Variants in POR observed in about 807,000 individuals in gnomAD.
POR encodes the protein cytochrome p450 oxidoreductase.
In POR, 56 loss-of-function variants were observed where a neutral mutation model predicts 84.0. The observed-to-expected ratio is 0.67, with a 90% CI of 0.54 to 0.83. The LOEUF (loss-of-function observed/expected upper bound fraction) is 0.83. Among genes scored for constraint, POR ranks in the 40% least tolerant of loss-of-function variants. The pLI is 0.00. For synonymous variants in POR, 414 were observed against 400.5 expected (o/e 1.03, Z -0.40); for missense variants, 938 against 944.3 (o/e 0.99, Z 0.09).
chr7:75,940,437 G>A (rs1277040065), intron 1 of POR, among the ~76,000 whole-genome samples: 1 of 151,824 alleles, frequency 6.6e-6, no homozygotes, highest in East Asian at 1.9e-4. Context: ...CCCAATTTAC[G>A]CAGATTCAAA....
chr7:75,921,824 A>G (rs1806886236), intron 1 of POR, among the ~76,000 whole-genome samples: 1 of 152,038 alleles, frequency 6.6e-6, no homozygotes, highest in South Asian at 2.1e-4. Context: ...CTCCTGCCTC[A>G]GCCTCCCGAG....
intron 1 of POR, chr7:75,922,890 GC>G: frequency 1.6e-6 from 1 of 614,692 alleles, no homozygotes; most frequent in Non-Finnish European, 2.9e-6. Context: ...AAGGAAAAGA[GC>G]TCAGGTTTAA....
rs1232105793 is a variant in POR, at chr7:75,981,064, A to G, written c.533A>G (p.Asn178Ser). The change falls in exon 6 of 16, where the codon AAC becomes AGC. Residue 178 changes from asparagine to serine, a missense_variant. Asn to Ser is a conservative substitution (Grantham distance 46, BLOSUM62 1). Coordinates refer to ENST00000461988, the MANE Select transcript of POR (RefSeq NM_000941.3). ...TCCACGCAGGTGTTTGGTCTTGGGA[A>G]CAAGACCTACGAGCACTTCAATGCC... is the stretch of plus-strand genomic sequence containing the variant. The G allele has an allele frequency of 6.3e-7, 1 of 1,575,836 alleles. No homozygotes were observed.
chr7:75,932,361 T>G (rs1196889320), intron 1 of POR, among the ~76,000 whole-genome samples: 1 of 152,026 alleles, frequency 6.6e-6, no homozygotes, highest in African/African-American at 2.4e-5. Flanking sequence ...TTGTATTGTT[T>G]TATAGAAACA....
chr7:75,959,582 A>C (rs1554554222), intron 2 of POR, among the ~76,000 whole-genome samples: 1 of 152,126 alleles, frequency 6.6e-6, no homozygotes, highest in Non-Finnish European at 1.5e-5. Flanking sequence ...CAGCCTCCCA[A>C]GTTGCTGGGA....
intron 1 of POR, among the ~76,000 whole-genome samples, chr7:75,951,201 C>T (rs747461136): frequency 3.3e-5 from 5 of 152,048 alleles, no homozygotes; most frequent in Non-Finnish European, 7.4e-5. Context: ...TCGAGACCAG[C>T]CTGGCTGACA....
At chr7:75,956,551 T>G (rs1217321090) in intron 2 of POR, among the ~76,000 whole-genome samples, 1 of 152,144 alleles carries the variant, frequency 6.6e-6, no homozygotes, top group Non-Finnish European at 1.5e-5. Context: ...CCCAATCTTG[T>G]GGGGCTTTTG....
intron 1 of POR, among the ~76,000 whole-genome samples, chr7:75,934,126 T>A (rs1212362357): frequency 1.9e-4 from 11 of 56,894 alleles, no homozygotes; most frequent in African/African-American, 6.9e-4. Context: ...CCTCAGAGTG[T>A]GTGTGTGTGT....
chr7:75,931,987 A>G (rs1359390655), intron 1 of POR, among the ~76,000 whole-genome samples: 2 of 152,188 alleles, frequency 1.3e-5, no homozygotes, highest in Non-Finnish European at 2.9e-5. Flanking sequence ...ACCTGCTGCT[A>G]GGCCTCTGTG....
At chr7:75,959,911 G>A (rs1260793592) in intron 2 of POR, among the ~76,000 whole-genome samples, 1 of 152,150 alleles carries the variant, frequency 6.6e-6, no homozygotes, top group Non-Finnish European at 1.5e-5. Context: ...TGGACTGTTT[G>A]TAATAGCAAT....
In POR at chr7:75,943,697, T is replaced by C. The variant is rs868911139; in HGVS notation, c.-4-10292T>C. 13 of 319,414 alleles carry C rather than the reference T, an allele frequency of 4.1e-5. No homozygotes were observed. In the Middle Eastern group the frequency reaches 7.6e-3, roughly 187 times the overall value. 19.8% of individuals were successfully genotyped at this position (319,414 alleles called of 1,614,324 possible). The stretch of plus-strand genomic sequence containing the variant: ...CTTATTTGTAGTTGTTTCATGCTAA[T>C]TCTTCAAACTTGGTATTGACTCCCC... On this transcript the variant is annotated intron_variant, in intron 1 of 15. Coordinates refer to ENST00000461988, the MANE Select transcript of POR (RefSeq NM_000941.3).
At chr7:75,922,742 C>T in intron 1 of POR, 1 of 411,906 alleles carries the variant, frequency 2.4e-6, no homozygotes, top group Non-Finnish European at 4.5e-6. Flanking sequence ...TCAGTAGCTG[C>T]AACACTAGAA....
Position 75,985,180 on chromosome 7 carries a change from C to T in POR, c.1371C>T (p.Arg457=). The change falls in exon 12 of 16, where the codon CGC becomes CGT. Residue 457 remains arginine, a synonymous_variant. Transcript: ENST00000461988. ...AGCTGCTGCCGCGCCTGCAGGCCCGCTACTACTCCATCGCCTCATCCTCCA... is the reference window on the plus strand; with the variant it reads ...AGCTGCTGCCGCGCCTGCAGGCCCGTTACTACTCCATCGCCTCATCCTCCA... The T allele has an allele frequency of 6.3e-7, 1 of 1,597,916 alleles. No individual in the cohort carries two copies.
intron 2 of POR, among the ~76,000 whole-genome samples, chr7:75,969,466 C>T (rs1475533206): frequency 6.6e-6 from 1 of 152,196 alleles, no homozygotes; most frequent in Non-Finnish European, 1.5e-5. Flanking sequence ...CAGGTTGTCT[C>T]GTTCTAGTCT....
At chr7:75,954,995 G>A (rs1274785868) in intron 2 of POR, among the ~76,000 whole-genome samples, 1 of 151,962 alleles carries the variant, frequency 6.6e-6, no homozygotes, top group African/African-American at 2.4e-5. Context: ...GGTGTGAGCC[G>A]TTGCGCCCAG....
In POR at chr7:75,986,157, A is replaced by G. The variant is rs201008307; in HGVS notation, c.1816-2A>G. On this transcript the variant is annotated splice_acceptor_variant, in intron 14 of 15. Transcript: ENST00000461988. LOFTEE classifies it high-confidence loss of function. ...CCCTCACAGCACCACCCTTGGCCCCAGGTCTACGTCCAGCACCTGCTAAAG... is the reference window on the plus strand; with the variant it reads ...CCCTCACAGCACCACCCTTGGCCCCGGGTCTACGTCCAGCACCTGCTAAAG... 1 of 1,609,090 alleles carries G rather than the reference A, an allele frequency of 6.2e-7. No individual in the cohort carries two copies. Among genetic ancestry groups the G allele is most frequent in the Non-Finnish European group, 8.5e-7 (1 of 1,178,100 alleles).
chr7:75,986,433 C>T lies in POR; in HGVS notation c.1995C>T (p.Ile665=). Reference sequence around the variant, plus strand: ...AGCACGCGCAGGCGGTGGACTACATCAAGAAACTGATGACCAAGGGCCGCT... The same window carrying T: ...AGCACGCGCAGGCGGTGGACTACATTAAGAAACTGATGACCAAGGGCCGCT... Residue 665 remains isoleucine, a synonymous_variant, in exon 16 of 16, where the codon ATC becomes ATT. Transcript: ENST00000461988. The T allele has an allele frequency of 1.2e-6, 2 of 1,612,380 alleles. No individual in the cohort carries two copies. Among genetic ancestry groups the T allele is most frequent in the Non-Finnish European group, 1.7e-6 (2 of 1,179,842 alleles).
At chr7:75,935,199 C>T (rs1807608284) in intron 1 of POR, among the ~76,000 whole-genome samples, 1 of 152,030 alleles carries the variant, frequency 6.6e-6, no homozygotes. Flanking sequence ...GACATGGAGT[C>T]AAAAGGAGAT....
chr7:75,954,619 A>C (rs1321409463), intron 2 of POR, among the ~76,000 whole-genome samples: 1 of 151,870 alleles, frequency 6.6e-6, no homozygotes, highest in African/African-American at 2.4e-5. Context: ...GGTTCACTGT[A>C]ATCTCCACCT....
Sources: allele counts gnomAD v4.1 joint callset (sites outside exome capture counted in the v4.1 genomes callset), GRCh38; gene constraint gnomAD v4.1.1; transcripts MANE v1.5; gene names NCBI Gene and HGNC (gene_info 2026-07-23, HGNC 2026-07-21).